The following AFTPH variants were observed in gnomAD, a reference collection of about 807,000 sequenced individuals.
The protein encoded by AFTPH is aftiphilin, also known as aftiphilin protein.
Under a neutral mutation model 72.5 loss-of-function variants are expected in AFTPH, and 7 were observed. The ratio of observed to expected loss-of-function variants is 0.10; its 90% CI spans 0.05 to 0.18. The LOEUF is 0.18. Among genes scored for constraint, AFTPH ranks in the 10% least tolerant of loss-of-function variants. The pLI, the probability that AFTPH is intolerant of heterozygous loss-of-function variation, is 1.00. For synonymous variants in AFTPH, 337 were observed against 370.1 expected, an observed-to-expected ratio of 0.91 and a Z score of 1.03; for missense variants, 979 against 1,060.5, an observed-to-expected ratio of 0.92 and a Z score of 1.07.
chr2:64,529,782 AC>A, intron 1 of AFTPH, among the ~76,000 whole-genome samples: 1 of 151,896 alleles, frequency 6.6e-6, no homozygotes, highest in Non-Finnish European at 1.5e-5. Context: ...GGCGCACACC[AC>A]CATGCCTGGC....
intron 2 of AFTPH, among the ~76,000 whole-genome samples, chr2:64,561,747 C>T (rs1671757668): frequency 3.3e-5 from 5 of 152,164 alleles, no homozygotes; most frequent in Admixed American, 3.3e-4. Flanking sequence ...ATTGTAACAT[C>T]AGCTAAATAT....
chr2:64,571,249 T>G (rs1672410934), intron 5 of AFTPH, among the ~76,000 whole-genome samples: 1 of 148,262 alleles, frequency 6.7e-6, no homozygotes, highest in Non-Finnish European at 1.5e-5. Context: ...AAACACAAAT[T>G]GTTGAGCACC....
rs150461733 is a variant in AFTPH, at chr2:64,584,843, G to A, written c.2456-579G>A. Among the ~76,000 whole-genome samples the A allele has an allele frequency of 1.5e-3, 222 of 152,134 alleles. 3 individuals carry two copies. The East Asian group carries it at 0.04, about 28-fold the overall frequency. On this transcript the variant is annotated intron_variant, in intron 7 of 8. Transcript: ENST00000238856. ...GATCTCCTGACTTTGTGATCTGCCC[G>A]CCTCGGCCTCCCAAAGTGCTGGGAT... is the stretch of plus-strand genomic sequence containing the variant.
intron 1 of AFTPH, among the ~76,000 whole-genome samples, chr2:64,536,951 CAAAAAAA>C (rs70937353): frequency 1.2e-5 from 1 of 81,796 alleles, no homozygotes; most frequent in Admixed American, 1.4e-4. Context: ...GACTCTGTCT[CAAAAAAA>C]AAAAAAAAAA....
chr2:64,573,048 T>C (rs368857157), exon 6 of AFTPH: 5 of 1,614,068 alleles, frequency 3.1e-6, no homozygotes, highest in African/African-American at 2.7e-5. Flanking sequence ...TATGAACACA[T>C]GTACATCTGA....
Position 64,589,659 on chromosome 2 carries a change from A to G in AFTPH, c.2580-2226A>G, listed in dbSNP as rs1373965237. ...ATAAGGCAATTGTTTAAAACCCTAG[A>G]ATAATCTTTACCAACTGTTTCTTAG... On this transcript the variant is annotated intron_variant, in intron 8 of 8. Transcript: ENST00000238856. Among the ~76,000 whole-genome samples, 3 of 152,136 alleles carry G rather than the reference A, an allele frequency of 2.0e-5. No individual in the cohort carries two copies. The East Asian group carries it at 5.8e-4, about 29-fold the overall frequency.
exon 2 of AFTPH, chr2:64,552,207 T>G: frequency 6.2e-7 from 1 of 1,613,808 alleles, no homozygotes. Context: ...AAGGATACAA[T>G]TAGAAGAAAT....
chr2:64,581,224 C>T, intron 7 of AFTPH: 1 of 1,601,528 alleles, frequency 6.2e-7, no homozygotes, highest in South Asian at 1.1e-5. Flanking sequence ...ACCTTGATTT[C>T]TTTGGGCCCG....
intron 6 of AFTPH, among the ~76,000 whole-genome samples, chr2:64,577,019 A>G (rs1300251697): frequency 6.6e-6 from 1 of 152,130 alleles, no homozygotes; most frequent in Non-Finnish European, 1.5e-5. Flanking sequence ...TTGGCCTCCC[A>G]AAGTGTTGGG....
At chr2:64,534,884 A>G (rs1669805044) in intron 1 of AFTPH, among the ~76,000 whole-genome samples, 1 of 152,156 alleles carries the variant, frequency 6.6e-6, no homozygotes, top group Non-Finnish European at 1.5e-5. Flanking sequence ...GGAATTTCCC[A>G]AATCTAGAGC....
chr2:64,550,677 GCACACACACACACACACA>G (rs56139158), intron 1 of AFTPH, among the ~76,000 whole-genome samples: 12,048 of 130,194 alleles, frequency 0.093, 545 homozygotes, highest in Non-Finnish European at 0.12. Flanking sequence ...CTGTACGCAT[GCACACACACACACACACA>G]CACACACACA....
At chr2:64,524,637 T>G in intron 1 of AFTPH, 25 bp downstream of exon 1, 2 of 394,152 alleles carry the variant, frequency 5.1e-6, no homozygotes, top group Non-Finnish European at 4.5e-6. Context: ...TCCGCTCCCC[T>G]AGCTGCGCCG....
intron 7 of AFTPH, chr2:64,580,772 A>G (rs577540900): frequency 3.3e-5 from 5 of 153,402 alleles, no homozygotes; most frequent in African/African-American, 9.6e-5. Flanking sequence ...AGCATTAATT[A>G]GAAACCAATA....
At chr2:64,584,741 C>T (rs1037599281) in intron 7 of AFTPH, among the ~76,000 whole-genome samples, 5 of 151,856 alleles carry the variant, frequency 3.3e-5, no homozygotes, top group African/African-American at 4.8e-5. Context: ...GGACTACAGG[C>T]GCCCACCACC....
At chr2:64,554,227 A>G (rs1162428993) in intron 2 of AFTPH, among the ~76,000 whole-genome samples, 1 of 152,168 alleles carries the variant, frequency 6.6e-6, no homozygotes, top group Admixed American at 6.5e-5. Flanking sequence ...TTCAGAAAAG[A>G]TTCATTAAGA....
At chr2:64,554,375 C>T (rs990355686) in intron 2 of AFTPH, among the ~76,000 whole-genome samples, 1 of 152,206 alleles carries the variant, frequency 6.6e-6, no homozygotes, top group Non-Finnish European at 1.5e-5. Flanking sequence ...TTGAACCTCA[C>T]TGCCTTATAC....
chr2:64,579,823 T>TG (rs1384235751), intron 7 of AFTPH: 3 of 303,556 alleles, frequency 9.9e-6, no homozygotes, highest in Non-Finnish European at 1.8e-5. Context: ...TCTAGGTAGT[T>TG]TAAAAGGTAT....
chr2:64,525,193 A>G (rs1354455958), intron 1 of AFTPH, among the ~76,000 whole-genome samples: 1 of 152,062 alleles, frequency 6.6e-6, no homozygotes, highest in Admixed American at 6.5e-5. Context: ...GTCTTCTTGC[A>G]CTCTTCAAGA....
rs1344611354 is a variant in AFTPH, at chr2:64,592,343, CT to C, written c.*312del. The C allele has an allele frequency of 8.6e-5, 16 of 186,324 alleles. No individual in the cohort carries two copies. In the East Asian group the frequency reaches 2.0e-3, roughly 23 times the overall value. 11.5% of individuals were successfully genotyped at this position (186,324 alleles called of 1,614,324 possible). A position where few individuals can be genotyped will look rare whatever the true frequency, so the allele number is the denominator to read the frequency against. ...CACTGGTGGTGTCCTTCTTACAAAA[CT>C]TTTGAAATAAAAAAAAAACTCAAAT... On this transcript the variant is annotated 3_prime_UTR_variant, in exon 9 of 9. Transcript: ENST00000238856.
Sources: allele counts gnomAD v4.1 joint callset (sites outside exome capture counted in the v4.1 genomes callset), GRCh38; gene constraint gnomAD v4.1.1; transcripts MANE v1.5; gene names NCBI Gene and HGNC (gene_info 2026-07-23, HGNC 2026-07-21).